Variants in ZMIZ1 observed in about 807,000 individuals in gnomAD.
ZMIZ1 encodes the protein zinc finger MIZ-type containing 1.
ZMIZ1 carries 17 observed loss-of-function variants against 113.9 expected under a neutral mutation model. That is an observed-to-expected ratio of 0.15 (90% CI 0.10 to 0.22). The LOEUF is 0.22. Ranked by LOEUF, ZMIZ1 falls within the 10% of genes least tolerant of loss-of-function variation. The pLI, the probability that ZMIZ1 is intolerant of heterozygous loss-of-function variation, is 1.00. For missense variants in ZMIZ1, 1,059 were observed against 1,477.8 expected (o/e 0.72, Z 4.65); for synonymous variants, 607 against 603.1 (o/e 1.01, Z -0.09).
intron 3 of ZMIZ1, among the ~76,000 whole-genome samples, chr10:79,148,689 T>C (rs2132442512): frequency 6.6e-6 from 1 of 152,214 alleles, no homozygotes; most frequent in East Asian, 1.9e-4. Flanking sequence ...GAATGCTGCC[T>C]AGGCCTGTAT....
At chr10:79,308,647 G>A (rs902446796) in intron 23 of ZMIZ1, among the ~76,000 whole-genome samples, 3 of 152,156 alleles carry the variant, frequency 2.0e-5, no homozygotes, top group South Asian at 2.1e-4. Context: ...AGTCCAAGTC[G>A]GAAATAGATG....
chr10:79,226,235 G>A (rs990644268), intron 7 of ZMIZ1, among the ~76,000 whole-genome samples: 2 of 152,190 alleles, frequency 1.3e-5, no homozygotes, highest in Admixed American at 1.3e-4. Flanking sequence ...GGGGTGGGGA[G>A]GTGGTCTCGG....
At chr10:79,141,749 A>G (rs1210185290) in intron 3 of ZMIZ1, among the ~76,000 whole-genome samples, 3 of 152,232 alleles carry the variant, frequency 2.0e-5, no homozygotes, top group African/African-American at 7.2e-5. Flanking sequence ...AGATAGCTGA[A>G]TGCAGCCAGG....
chr10:79,281,220 G>A (rs1852721614), intron 8 of ZMIZ1, among the ~76,000 whole-genome samples: 1 of 152,302 alleles, frequency 6.6e-6, no homozygotes, highest in South Asian at 2.1e-4. Flanking sequence ...CAGAGATGAG[G>A]TATTTCTGTG....
intron 8 of ZMIZ1, chr10:79,285,713 G>T (rs1853034809): frequency 2.6e-6 from 1 of 382,264 alleles, no homozygotes; most frequent in Admixed American, 3.1e-5. Flanking sequence ...CATCATGCTT[G>T]GCTCAGGGAG....
chr10:79,099,544 C>G (rs746574663), intron 1 of ZMIZ1, among the ~76,000 whole-genome samples: 16 of 152,194 alleles, frequency 1.1e-4, no homozygotes, highest in Non-Finnish European at 2.1e-4. Flanking sequence ...GCACTGGGAA[C>G]AGGGAGCGGT....
intron 7 of ZMIZ1, among the ~76,000 whole-genome samples, chr10:79,240,894 A>G (rs1450610241): frequency 1.3e-5 from 2 of 151,924 alleles, no homozygotes; most frequent in Non-Finnish European, 2.9e-5. Context: ...TTCTGGCTCA[A>G]CCTACCAAAG....
chr10:79,250,785 A>G (rs533203598), intron 7 of ZMIZ1, among the ~76,000 whole-genome samples: 1 of 152,236 alleles, frequency 6.6e-6, no homozygotes, highest in East Asian at 1.9e-4. Flanking sequence ...CTTGGCTTTC[A>G]GGTGCCCAAA....
At chr10:79,199,070 G>A (rs766646131) in intron 4 of ZMIZ1, among the ~76,000 whole-genome samples, 1 of 151,642 alleles carries the variant, frequency 6.6e-6, no homozygotes, top group Non-Finnish European at 1.5e-5. Flanking sequence ...AGGGTCCCTC[G>A]TTTCAGGCTG....
chr10:79,201,512 G>A, intron 4 of ZMIZ1, 72 bp from the exon 5 acceptor site: 5 of 1,115,604 alleles, frequency 4.5e-6, no homozygotes, highest in Non-Finnish European at 6.6e-6. Flanking sequence ...GTGGCCAGAG[G>A]GCAGTTGGGA....
At chr10:79,106,426 G>A (rs1215219824) in intron 1 of ZMIZ1, among the ~76,000 whole-genome samples, 2 of 152,096 alleles carry the variant, frequency 1.3e-5, no homozygotes, top group Non-Finnish European at 2.9e-5. Context: ...AATTGGTAAT[G>A]CCTGCCATGG....
intron 7 of ZMIZ1, among the ~76,000 whole-genome samples, chr10:79,235,931 A>G (rs1337481887): frequency 6.6e-6 from 1 of 152,206 alleles, no homozygotes; most frequent in Non-Finnish European, 1.5e-5. Flanking sequence ...TGGCTCTACA[A>G]TTAATATGCC....
chr10:79,305,317 C>G, intron 20 of ZMIZ1, 86 bp downstream of exon 20: 1 of 1,497,608 alleles, frequency 6.7e-7, no homozygotes, highest in South Asian at 1.1e-5. Context: ...TCCACCTGCC[C>G]TAAATGCAAA....
At chr10:79,125,520 C>T (rs1427654959) in intron 2 of ZMIZ1, among the ~76,000 whole-genome samples, 1 of 152,200 alleles carries the variant, frequency 6.6e-6, no homozygotes, top group Non-Finnish European at 1.5e-5. Context: ...GGGCGCTTCT[C>T]CCTCCCACTG....
rs984024468 is a variant in ZMIZ1 at position 79,296,872 on chromosome 10, G to C, written c.1413+219G>C. 3 of 409,094 alleles carry C rather than the reference G, an allele frequency of 7.3e-6. No individual in the cohort carries two copies. Among genetic ancestry groups the C allele is most frequent in the Non-Finnish European group, 1.3e-5 (3 of 232,134 alleles). 25.3% of individuals were successfully genotyped at this position (409,094 alleles called of 1,614,324 possible). ...CCTATTCTCATTCGTCTCGGATGATGGTTTTTTTTTCTCCTTTTCTTATTC... is the reference window on the plus strand; with the variant it reads ...CCTATTCTCATTCGTCTCGGATGATCGTTTTTTTTTCTCCTTTTCTTATTC... On this transcript the variant is annotated intron_variant, in intron 13 of 24. Transcript: ENST00000334512. This position sits in a 1 kb window ranked among gnomAD's most constrained non-coding sequence, Gnocchi z 4.1.
intron 1 of ZMIZ1, among the ~76,000 whole-genome samples, chr10:79,083,840 C>G (rs1318480874): frequency 6.6e-6 from 1 of 152,184 alleles, no homozygotes; most frequent in African/African-American, 2.4e-5. Context: ...GTTGCTGTGT[C>G]CTGGGAGTCT....
At chr10:79,126,232 C>T (rs1383761697) in intron 2 of ZMIZ1, among the ~76,000 whole-genome samples, 1 of 152,186 alleles carries the variant, frequency 6.6e-6, no homozygotes, top group Non-Finnish European at 1.5e-5. Flanking sequence ...AGAGTCAGGG[C>T]CTAGTGTGAG....
chr10:79,161,853 GAGCAT>G (rs10548793), intron 3 of ZMIZ1, among the ~76,000 whole-genome samples, 195 bp from the exon 4 acceptor site: 55,312 of 151,728 alleles, frequency 0.36, 10,515 homozygotes, highest in Non-Finnish European at 0.42. Flanking sequence ...GAGAGTCTGA[GAGCAT>G]ATCTGTAATC....
chr10:79,126,561 G>A (rs1844518489), intron 2 of ZMIZ1, among the ~76,000 whole-genome samples: 2 of 152,232 alleles, frequency 1.3e-5, no homozygotes, highest in South Asian at 4.1e-4. Context: ...AGCCACACTG[G>A]GGCAGATAAT....
Sources: allele counts gnomAD v4.1 joint callset (sites outside exome capture counted in the v4.1 genomes callset), GRCh38; gene constraint gnomAD v4.1.1; non-coding constraint Gnocchi (gnomAD v3.1); transcripts MANE v1.5; gene names NCBI Gene and HGNC (gene_info 2026-07-23, HGNC 2026-07-21).